NEGR1: variants seen among roughly 807,000 people sequenced by gnomAD.
NEGR1 encodes neuronal growth regulator 1, also known as IgLON family member 4.
NEGR1 carries 10 observed loss-of-function variants against 40.9 expected under a neutral mutation model. The observed-to-expected ratio is 0.24, with a 90% CI of 0.15 to 0.42. The LOEUF is 0.42. Among genes scored for constraint, NEGR1 ranks in the 10% least tolerant of loss-of-function variants. The pLI is 1.00. For missense variants in NEGR1, 352 were observed against 438.9 expected (o/e 0.80, Z 1.77); for synonymous variants, 185 against 166.8 (o/e 1.11, Z -0.84).
chr1:71,865,241 T>A (rs536869405), intron 2 of NEGR1, among the ~76,000 whole-genome samples: 57 of 152,284 alleles, frequency 3.7e-4, no homozygotes, highest in African/African-American at 1.3e-3. Flanking sequence ...TGTGTAAGCA[T>A]CTAATTCCCT....
At chr1:71,595,753 G>A (rs1220491445) in intron 5 of NEGR1, among the ~76,000 whole-genome samples, 2 of 151,976 alleles carry the variant, frequency 1.3e-5, no homozygotes, top group Non-Finnish European at 2.9e-5. Flanking sequence ...TCACTGTGGG[G>A]AACTTGTTAA....
At chr1:71,566,710 T>C (rs1054745274) in intron 6 of NEGR1, among the ~76,000 whole-genome samples, 2 of 152,156 alleles carry the variant, frequency 1.3e-5, no homozygotes, top group Admixed American at 6.6e-5. Context: ...CATGTCATTA[T>C]AGATAATACA....
At chr1:72,033,353 G>A (rs1646875729) in intron 1 of NEGR1, among the ~76,000 whole-genome samples, 1 of 152,074 alleles carries the variant, frequency 6.6e-6, no homozygotes, top group Non-Finnish European at 1.5e-5. Flanking sequence ...TATTTGTACA[G>A]GCACTTGCTC....
chr1:71,669,276 T>G (rs1652338308), intron 4 of NEGR1, among the ~76,000 whole-genome samples: 1 of 152,226 alleles, frequency 6.6e-6, no homozygotes, highest in Admixed American at 6.5e-5. Flanking sequence ...CTATTTAAAG[T>G]GTGTCTGGAC....
At chr1:71,437,700 C>A (rs1646518919) in intron 6 of NEGR1, among the ~76,000 whole-genome samples, 1 of 152,094 alleles carries the variant, frequency 6.6e-6, no homozygotes, top group African/African-American at 2.4e-5. Flanking sequence ...AGCATGAGAT[C>A]TTTGGAAAGA....
intron 6 of NEGR1, among the ~76,000 whole-genome samples, chr1:71,568,849 TG>T (rs1205896949): frequency 1.3e-4 from 19 of 151,452 alleles, no homozygotes; most frequent in African/African-American, 4.1e-4. Context: ...TGTGTGTGTG[TG>T]TGTGTGTGTG....
intron 1 of NEGR1, among the ~76,000 whole-genome samples, chr1:71,942,562 C>T (rs1645976040): frequency 2.0e-5 from 2 of 97,644 alleles, no homozygotes; most frequent in African/African-American, 3.9e-5. Flanking sequence ...AGTGCAGTGG[C>T]GGGATCTCGG....
At chr1:71,852,930 G>T (rs909976365) in intron 2 of NEGR1, among the ~76,000 whole-genome samples, 2 of 151,954 alleles carry the variant, frequency 1.3e-5, no homozygotes, top group Non-Finnish European at 2.9e-5. Flanking sequence ...GCTTGTAATA[G>T]AAATAGGACA....
intron 6 of NEGR1, among the ~76,000 whole-genome samples, chr1:71,471,662 C>CA (rs5775065): frequency 2.6e-5 from 4 of 151,512 alleles, no homozygotes; most frequent in East Asian, 3.9e-4. Context: ...ACAACAACAA[C>CA]AAAAAAAAAG....
intron 1 of NEGR1, among the ~76,000 whole-genome samples, chr1:72,179,040 T>A (rs1303181731): frequency 6.6e-6 from 1 of 151,874 alleles, no homozygotes; most frequent in Non-Finnish European, 1.5e-5. Flanking sequence ...TAGAGGTTTT[T>A]TCATAATTGC....
intron 4 of NEGR1, among the ~76,000 whole-genome samples, chr1:71,659,677 A>C (rs1159929771): frequency 1.3e-5 from 2 of 152,216 alleles, no homozygotes; most frequent in Non-Finnish European, 2.9e-5. Flanking sequence ...ATATGAACAG[A>C]TACTTCTTGA....
intron 2 of NEGR1, among the ~76,000 whole-genome samples, chr1:71,798,921 G>A (rs1051692296): frequency 7.9e-5 from 12 of 152,060 alleles, no homozygotes; most frequent in Admixed American, 3.3e-4. Flanking sequence ...ATAAGTAGCC[G>A]AAGGTACTAT....
At chr1:71,743,034 G>A (rs12125609) in intron 3 of NEGR1, among the ~76,000 whole-genome samples, 63,109 of 152,004 alleles carry the variant, frequency 0.42, 15,533 homozygotes, top group Middle Eastern at 0.6. Context: ...AGGATACATC[G>A]AGAAGATAAG....
intron 1 of NEGR1, among the ~76,000 whole-genome samples, chr1:72,141,408 A>T (rs900100105): frequency 6.6e-6 from 1 of 152,080 alleles, no homozygotes; most frequent in African/African-American, 2.4e-5. Context: ...AAAATACCAA[A>T]ATCATACATT....
intron 2 of NEGR1, among the ~76,000 whole-genome samples, chr1:71,841,046 A>C (rs530395924): frequency 1.1e-4 from 16 of 152,076 alleles, no homozygotes; most frequent in Middle Eastern, 6.8e-3. Flanking sequence ...ACATGAACCA[A>C]TTTCTTAAGG....
At chr1:71,660,419 C>A (rs1046371055) in intron 4 of NEGR1, among the ~76,000 whole-genome samples, 5 of 152,002 alleles carry the variant, frequency 3.3e-5, no homozygotes, top group African/African-American at 4.8e-5. Context: ...GTACAACAAG[C>A]CCCTGTGACA....
At position 71,925,022 on chromosome 1, in the gene NEGR1, C is replaced by A. The variant is rs1232540673; in HGVS notation, c.409+10057G>T. 2.6e-5 allele frequency among the ~76,000 whole-genome samples: 4 copies of A among 151,816 alleles called. No homozygotes were observed. In the East Asian group the frequency reaches 7.7e-4, roughly 29 times the overall value. On this transcript the variant is annotated intron_variant, in intron 2 of 6. Transcript: ENST00000357731. The stretch of plus-strand genomic sequence containing the variant: ...AAAGAAATACGTGCATTTATAAAAA[C>A]AATAAAACTCTACTGAGTTTCTAAC...
At chr1:72,263,007 A>G (rs1655508459) in intron 1 of NEGR1, among the ~76,000 whole-genome samples, 1 of 151,776 alleles carries the variant, frequency 6.6e-6, no homozygotes, top group South Asian at 2.1e-4. Flanking sequence ...AGCTTCCACT[A>G]AGATTACCAT....
chr1:72,132,905 GTGT>G (rs1294891381), intron 1 of NEGR1, among the ~76,000 whole-genome samples: 2 of 152,110 alleles, frequency 1.3e-5, no homozygotes, highest in East Asian at 3.9e-4. Flanking sequence ...TTAAACAGTT[GTGT>G]TGTTTTCTTC....
Sources: gnomAD v4.1 joint callset for allele counts (sites outside exome capture counted in the v4.1 genomes callset) on GRCh38, gnomAD v4.1.1 for gene constraint, MANE v1.5 for transcripts, NCBI Gene and HGNC (gene_info 2026-07-23, HGNC 2026-07-21) for gene names.